The following TNKS variants were observed in gnomAD, a reference collection of about 807,000 sequenced individuals.
TNKS encodes tankyrase.
Under a neutral mutation model 135.8 loss-of-function variants are expected in TNKS, and 72 were observed. The observed-to-expected ratio is 0.53, with a 90% CI of 0.44 to 0.64. The LOEUF is 0.64. Among genes scored for constraint, TNKS ranks in the 30% least tolerant of loss-of-function variants. The pLI is 0.00. For missense variants in TNKS, 1,769 were observed against 1,674.0 expected (o/e 1.06, Z -0.99); for synonymous variants, 849 against 649.3 (o/e 1.31, Z -4.68).
intron 2 of TNKS, among the ~76,000 whole-genome samples, chr8:9,590,311 G>C (rs770643703): frequency 3.9e-5 from 6 of 152,030 alleles, no homozygotes; most frequent in African/African-American, 1.4e-4. Context: ...TTCTGCCTGC[G>C]GTACTCTTTC....
intron 1 of TNKS, 112 bp downstream of exon 1, chr8:9,556,724 C>G: frequency 8.0e-7 from 1 of 1,254,852 alleles, no homozygotes; most frequent in Non-Finnish European, 1.1e-6. Context: ...GGTTATGGTT[C>G]TTCATCACCT....
intron 2 of TNKS, among the ~76,000 whole-genome samples, chr8:9,598,692 C>A (rs62493909): frequency 0.037 from 4,961 of 133,844 alleles, 237 homozygotes; most frequent in East Asian, 0.29. Context: ...CAGAGCAAGA[C>A]CTTGTCTAAA....
At chr8:9,682,847 C>T (rs1175717553) in intron 5 of TNKS, among the ~76,000 whole-genome samples, 1 of 151,650 alleles carries the variant, frequency 6.6e-6, no homozygotes, top group African/African-American at 2.4e-5. Context: ...GTACTGTTAA[C>T]ATGAGGGAGA....
At position 9,763,190 on chromosome 8, in the gene TNKS, G is replaced by A. The variant is rs138329640; in HGVS notation, c.3318G>A (p.Thr1106=). The change falls in exon 22 of 27, where the codon ACG becomes ACA. Residue 1106 remains threonine, a synonymous_variant. Transcript: ENST00000310430. ...YLTFHCVNQG[T]ILLDLAPEDK... The stretch of plus-strand genomic sequence containing the variant: ...CTTTTCACTGTGTTAATCAGGGAAC[G>A]ATTTTGCTGGATCTTGCTCCAGAAG... 7.3e-5 allele frequency: 117 copies of A among 1,606,470 alleles called. No individual in the cohort carries two copies. The African/African-American group carries it at 1.0e-3, about 14-fold the overall frequency.
intron 5 of TNKS, among the ~76,000 whole-genome samples, chr8:9,682,115 G>C (rs746373351): frequency 6.6e-6 from 1 of 152,048 alleles, no homozygotes; most frequent in Non-Finnish European, 1.5e-5. Context: ...GTGTGCACTT[G>C]AAACTCCAGA....
At chr8:9,663,997 A>C (rs905225029) in intron 3 of TNKS, among the ~76,000 whole-genome samples, 6 of 152,200 alleles carry the variant, frequency 3.9e-5, no homozygotes, top group African/African-American at 1.4e-4. Flanking sequence ...CCACCCATCC[A>C]GTCACATGAT....
At chr8:9,773,599 G>A (rs1808063397) in intron 26 of TNKS, among the ~76,000 whole-genome samples, 2 of 152,018 alleles carry the variant, frequency 1.3e-5, no homozygotes, top group Non-Finnish European at 1.5e-5. Flanking sequence ...TAGAAGATAA[G>A]TTTAAGTTTA....
At chr8:9,669,201 G>C (rs1034158690) in intron 3 of TNKS, among the ~76,000 whole-genome samples, 1 of 151,794 alleles carries the variant, frequency 6.6e-6, no homozygotes, top group Non-Finnish European at 1.5e-5. Flanking sequence ...GGTGGATCAT[G>C]AGGTCAGGAG....
chr8:9,683,365 GA>G (rs1802862786), intron 5 of TNKS, among the ~76,000 whole-genome samples: 1 of 151,994 alleles, frequency 6.6e-6, no homozygotes, highest in African/African-American at 2.4e-5. Context: ...TTTAGAATTA[GA>G]AAGTCAGATT....
chr8:9,769,547 G>C (rs1043697173), intron 25 of TNKS, among the ~76,000 whole-genome samples: 2 of 151,442 alleles, frequency 1.3e-5, no homozygotes, highest in Non-Finnish European at 2.9e-5. Flanking sequence ...ATCCATGCAA[G>C]GGCTCAGTTT....
chr8:9,718,248 TG>T (rs1804707022), intron 11 of TNKS, among the ~76,000 whole-genome samples: 1 of 152,208 alleles, frequency 6.6e-6, no homozygotes, highest in Non-Finnish European at 1.5e-5. Context: ...GAGTACAGAC[TG>T]TTTTCAACTC....
chr8:9,642,574 C>G (rs1381153151), intron 3 of TNKS, among the ~76,000 whole-genome samples: 1 of 146,190 alleles, frequency 6.8e-6, no homozygotes, highest in Non-Finnish European at 1.5e-5. Context: ...ATTTGTTAGA[C>G]TTTTTCATAA....
chr8:9,612,068 C>T (rs1256686938), intron 2 of TNKS, among the ~76,000 whole-genome samples: 1 of 152,098 alleles, frequency 6.6e-6, no homozygotes, highest in Non-Finnish European at 1.5e-5. Context: ...TTTGAGACCG[C>T]TCCTAAAATA....
chr8:9,607,182 A>G (rs1324732074), intron 2 of TNKS, among the ~76,000 whole-genome samples: 1 of 152,236 alleles, frequency 6.6e-6, no homozygotes, highest in East Asian at 1.9e-4. Flanking sequence ...GCATGTTAGC[A>G]TGAGTAACAT....
intron 20 of TNKS, 130 bp from the exon 21 acceptor site, chr8:9,761,386 A>C: frequency 1.1e-6 from 1 of 926,368 alleles, no homozygotes. Context: ...TTGTAAGCTC[A>C]TGTTTATAAA....
intron 20 of TNKS, among the ~76,000 whole-genome samples, chr8:9,754,256 T>C (rs924546648): frequency 3.3e-4 from 50 of 152,212 alleles, no homozygotes; most frequent in African/African-American, 1.1e-3. Flanking sequence ...GCCCTAGATA[T>C]CTTTTTAAGA....
At chr8:9,563,315 T>C (rs934183248) in intron 1 of TNKS, among the ~76,000 whole-genome samples, 7 of 152,122 alleles carry the variant, frequency 4.6e-5, no homozygotes, top group Admixed American at 2.0e-4. Context: ...TAACTTTTTT[T>C]CTCCTTTCAT....
intron 11 of TNKS, chr8:9,710,440 A>G: frequency 8.5e-6 from 5 of 588,678 alleles, no homozygotes; most frequent in Admixed American, 3.0e-5. Flanking sequence ...ACCCTTCTGT[A>G]AAGCAACAAA....
intron 5 of TNKS, 68 bp downstream of exon 5, chr8:9,680,868 A>G: frequency 8.5e-7 from 1 of 1,174,498 alleles, no homozygotes. Context: ...TGGCATATAT[A>G]TATATAAGCA....
Sources: allele counts gnomAD v4.1 joint callset (sites outside exome capture counted in the v4.1 genomes callset), GRCh38; gene constraint gnomAD v4.1.1; transcripts MANE v1.5; gene names NCBI Gene and HGNC (gene_info 2026-07-23, HGNC 2026-07-21).